ROR2: variants seen among roughly 807,000 people sequenced by gnomAD.
ROR2 encodes the protein tyrosine-protein kinase transmembrane receptor ROR2.
A neutral mutation model predicts 74.9 loss-of-function variants in ROR2; 33 were observed. The observed-to-expected ratio is 0.44, with a 90% CI of 0.33 to 0.59. The LOEUF (loss-of-function observed/expected upper bound fraction) is 0.59. ROR2 is among the 20% of genes least tolerant of loss of function. The pLI, the probability that ROR2 is intolerant of heterozygous loss-of-function variation, is 0.02. For synonymous variants in ROR2, 586 were observed against 558.7 expected (o/e 1.05, Z -0.69); for missense variants, 1,216 against 1,313.8 (o/e 0.93, Z 1.15).
chr9:91,725,234 TG>T, intron 8 of ROR2, 127 bp from the exon 9 acceptor site: 3 of 1,537,484 alleles, frequency 2.0e-6, no homozygotes, highest in Non-Finnish European at 2.7e-6. Context: ...GAAGACCCGC[TG>T]GTTTTGCCCA....
chr9:91,723,953 G>A lies in ROR2; in HGVS notation c.2541C>T (p.Ala847=), dbSNP rs1297501760. ...CCATCTGAGGAGGCACCTGCTGCGG[G>A]GCCATCTGCATTGGGATCTGCACCG... ...FYPVQIPMQM[A]PQQVPPQMVP... is the part of the protein sequence containing the mutation. The change falls in exon 9 of 9, where the codon GCC becomes GCT. Residue 847 remains alanine, a synonymous_variant. Transcript: ENST00000375708. 1 of 1,613,470 alleles carries A rather than the reference G, an allele frequency of 6.2e-7. No homozygotes were observed. Among genetic ancestry groups the A allele is most frequent in the Non-Finnish European group, 8.5e-7 (1 of 1,180,030 alleles).
At chr9:91,926,945 G>A (rs1459014604) in intron 1 of ROR2, among the ~76,000 whole-genome samples, 5 of 152,274 alleles carry the variant, frequency 3.3e-5, no homozygotes, top group African/African-American at 9.6e-5. Context: ...GCACAGCAAC[G>A]TGAATGTTCT....
chr9:91,830,809 CGTGT>C (rs34963566), intron 1 of ROR2, among the ~76,000 whole-genome samples: 25,892 of 139,408 alleles, frequency 0.19, 2,627 homozygotes, highest in Non-Finnish European at 0.25. Flanking sequence ...TAACTGTGTC[CGTGT>C]GTGTGTGTGT....
intron 2 of ROR2, 71 bp from the exon 3 acceptor site, chr9:91,757,630 T>C: frequency 6.5e-7 from 1 of 1,542,720 alleles, no homozygotes; most frequent in Non-Finnish European, 8.8e-7. Context: ...CTGGGGGCTC[T>C]GCTATGAACT....
At chr9:91,854,755 CACTT>C (rs768672876) in intron 1 of ROR2, among the ~76,000 whole-genome samples, 130 of 152,320 alleles carry the variant, frequency 8.5e-4, no homozygotes, top group Middle Eastern at 3.4e-3. Context: ...CAAGCAAAAC[CACTT>C]ACACATGCAC....
At position 91,722,603 on chromosome 9, in the gene ROR2, C is replaced by T. The variant is rs1191468615; in HGVS notation, c.*1059G>A. On this transcript the variant is annotated 3_prime_UTR_variant, in exon 9 of 9. Transcript: ENST00000375708. Reference sequence around the variant, plus strand: ...AACCTGCAAGAGAGCCAATCACATGCTTTGTTTCACTTTATTGGATACACC... The same window carrying T: ...AACCTGCAAGAGAGCCAATCACATGTTTTGTTTCACTTTATTGGATACACC... The T allele has an allele frequency of 5.1e-6, 4 of 779,892 alleles. No homozygotes were observed. Among genetic ancestry groups the T allele is most frequent in the Middle Eastern group, 2.2e-4 (1 of 4,462 alleles). The allele number at this position is 779,892 out of a possible 1,614,324, so 48.3% of individuals were successfully genotyped here.
At chr9:91,759,731 A>C (rs374659838) in intron 2 of ROR2, among the ~76,000 whole-genome samples, 4 of 152,200 alleles carry the variant, frequency 2.6e-5, no homozygotes, top group African/African-American at 9.7e-5. Context: ...CTAAATGGCC[A>C]GCAGCTATAC....
In ROR2 at chr9:91,724,099, G is replaced by A. The variant is rs141235720; in HGVS notation, c.2395C>T (p.Pro799Ser). Reference protein sequence around the residue: ...PKQKAPPFPQPQFIPMKGQIR... With the variant: ...PKQKAPPFPQSQFIPMKGQIR... ...TGGCCCTTCATGGGGATGAACTGGG[G>A]CTGTGGGAAGGGCGGGGCCTTCTGC... Residue 799 changes from proline (P) to serine (S), a missense_variant, in exon 9 of 9, where the codon CCC (proline) becomes TCC (serine). Transcript: ENST00000375708. 2.5e-3 allele frequency: 4,006 copies of A among 1,611,196 alleles called. 20 individuals carry two copies. The highest frequency in any genetic ancestry group is 4.5e-3 in the South Asian group (412 of 91,046).
intron 1 of ROR2, among the ~76,000 whole-genome samples, chr9:91,885,780 TAAAAC>T (rs1389792992): frequency 6.7e-6 from 1 of 149,528 alleles, no homozygotes; most frequent in East Asian, 2.0e-4. Context: ...ACACACAAAA[TAAAAC>T]AAAACTCATG....
chr9:91,942,065 A>G (rs1831886824), intron 1 of ROR2, among the ~76,000 whole-genome samples: 1 of 152,166 alleles, frequency 6.6e-6, no homozygotes, highest in Admixed American at 6.5e-5. Context: ...CTAGGATTAC[A>G]GGCGTGAGCC....
At chr9:91,747,467 C>T (rs1423080967) in intron 4 of ROR2, among the ~76,000 whole-genome samples, 1 of 152,230 alleles carries the variant, frequency 6.6e-6, no homozygotes, top group Non-Finnish European at 1.5e-5. Flanking sequence ...TCCATGGTAC[C>T]ATGTCTTGCT....
intron 1 of ROR2, among the ~76,000 whole-genome samples, chr9:91,847,998 T>C (rs1000113675): frequency 6.6e-6 from 1 of 152,168 alleles, no homozygotes; most frequent in Admixed American, 6.5e-5. Flanking sequence ...AAGTTATTTA[T>C]ATTGTGGAAT....
intron 4 of ROR2, among the ~76,000 whole-genome samples, chr9:91,738,578 A>G (rs1825114452): frequency 6.6e-6 from 1 of 152,258 alleles, no homozygotes; most frequent in African/African-American, 2.4e-5. Flanking sequence ...TCCACAAGGT[A>G]AACAGCAGAA....
At chr9:91,934,295 T>TA (rs1831625935) in intron 1 of ROR2, among the ~76,000 whole-genome samples, 1 of 152,226 alleles carries the variant, frequency 6.6e-6, no homozygotes, top group Admixed American at 6.5e-5. Flanking sequence ...AGTGAAAACT[T>TA]ACAGAAGTCC....
At chr9:91,818,293 C>T (rs983291736) in intron 1 of ROR2, among the ~76,000 whole-genome samples, 6 of 152,202 alleles carry the variant, frequency 3.9e-5, no homozygotes, top group Admixed American at 3.9e-4. Context: ...ATATGCAAGG[C>T]TAAATGTCTT....
chr9:91,852,314 T>C lies in ROR2; in HGVS notation c.98-76496A>G, dbSNP rs181703152. Among the ~76,000 whole-genome samples, 14 of 152,312 alleles carry C rather than the reference T, an allele frequency of 9.2e-5. No individual in the cohort carries two copies. The East Asian group carries it at 9.6e-4, about 10-fold the overall frequency. ...GAGTTTTATCATTTTACAAAATGTA[T>C]ACTTACCATTTGCTTAATTTAGCTT... On this transcript the variant is annotated intron_variant, in intron 1 of 8. Transcript: ENST00000375708.
At chr9:91,811,996 G>A (rs1358918258) in intron 1 of ROR2, among the ~76,000 whole-genome samples, 47 of 149,484 alleles carry the variant, frequency 3.1e-4, no homozygotes, top group Non-Finnish European at 5.9e-5. Context: ...ACTGGAAGAA[G>A]AATTGTCTTG....
At chr9:91,915,796 C>A (rs887702998) in intron 1 of ROR2, among the ~76,000 whole-genome samples, 1 of 152,162 alleles carries the variant, frequency 6.6e-6, no homozygotes, top group Non-Finnish European at 1.5e-5. Flanking sequence ...TTTTACAAAC[C>A]TCTAGCTAGA....
chr9:91,741,982 A>T (rs1761398016), intron 4 of ROR2, among the ~76,000 whole-genome samples: 1 of 152,220 alleles, frequency 6.6e-6, no homozygotes, highest in Admixed American at 6.5e-5. Flanking sequence ...AAGATAACCT[A>T]GATGTAAGAA....
Sources: gnomAD v4.1 joint callset for allele counts (sites outside exome capture counted in the v4.1 genomes callset) on GRCh38, gnomAD v4.1.1 for gene constraint, MANE v1.5 for transcripts, NCBI Gene and HGNC (gene_info 2026-07-23, HGNC 2026-07-21) for gene names.